Variants in GPA33 observed in about 807,000 individuals in gnomAD.
The protein encoded by GPA33 is cell surface A33 antigen.
Under a neutral mutation model 35.6 loss-of-function variants are expected in GPA33, and 27 were observed. That is an observed-to-expected ratio of 0.76 (90% CI 0.56 to 1.04). The LOEUF is 1.04. GPA33 is among the 50% of genes least tolerant of loss of function. The pLI is 0.00. For missense variants in GPA33, 428 were observed against 411.9 expected, an observed-to-expected ratio of 1.04 and a Z score of -0.34; for synonymous variants, 176 against 164.0, an observed-to-expected ratio of 1.07 and a Z score of -0.56.
chr1:167,081,791 C>T (rs1666955034), intron 1 of GPA33, among the ~76,000 whole-genome samples: 1 of 152,212 alleles, frequency 6.6e-6, no homozygotes, highest in Non-Finnish European at 1.5e-5. Context: ...AGATGGCAGG[C>T]TCCCTGGGGC....
intron 1 of GPA33, among the ~76,000 whole-genome samples, chr1:167,082,589 C>T (rs549846451): frequency 1.3e-5 from 2 of 152,302 alleles, no homozygotes; most frequent in African/African-American, 4.8e-5. Context: ...AGACCTTAGC[C>T]TGGGAGGGGA....
chr1:167,089,054 A>G (rs961358652), intron 1 of GPA33, among the ~76,000 whole-genome samples: 8 of 152,194 alleles, frequency 5.3e-5, no homozygotes. Context: ...ATCTTGGTGG[A>G]TGATGAGGGG....
rs765517721 is a variant in GPA33 at position 167,054,973 on chromosome 1, C to CAG, written c.827+2_827+3insCT. ...CCAACAGGCTACCAGCCCAGACACT[C>CAG]ACGGCCTTGCATCCTCCTTGTCTTC... On this transcript the variant is annotated splice_region_variant and intron_variant, in intron 6 of 6. Coordinates refer to ENST00000367868, the MANE Select transcript of GPA33 (RefSeq NM_005814.3). 1 of 1,613,922 alleles carries CAG rather than the reference C, an allele frequency of 6.2e-7. No individual in the cohort carries two copies. The highest frequency in any genetic ancestry group is 1.7e-5 in the Admixed American group (1 of 60,010).
chr1:167,064,088 G>T (rs935573656), intron 3 of GPA33, among the ~76,000 whole-genome samples: 3 of 152,070 alleles, frequency 2.0e-5, no homozygotes, highest in African/African-American at 7.2e-5. Flanking sequence ...TTTGAGACCA[G>T]CCTGGTCAAC....
intron 3 of GPA33, among the ~76,000 whole-genome samples, chr1:167,068,259 C>T (rs187260300): frequency 2.6e-5 from 4 of 152,282 alleles, no homozygotes; most frequent in African/African-American, 9.6e-5. Context: ...CATTAAATAA[C>T]AGTTATTTTC....
At chr1:167,076,826 G>C (rs1181153267) in intron 1 of GPA33, among the ~76,000 whole-genome samples, 1 of 152,180 alleles carries the variant, frequency 6.6e-6, no homozygotes, top group African/African-American at 2.4e-5. Flanking sequence ...CACTGATGCT[G>C]CTCCAGAAGG....
rs1666176042 is a variant in GPA33, at chr1:167,054,120, G to T, written c.*214C>A. Reference sequence around the variant, plus strand: ...GCACCAGGTGTCACAGCCAGGAGGGGTTACTTCACAGGACAGTGAGGTCAG... The same window carrying T: ...GCACCAGGTGTCACAGCCAGGAGGGTTTACTTCACAGGACAGTGAGGTCAG... On this transcript the variant is annotated 3_prime_UTR_variant, in exon 7 of 7. Coordinates refer to ENST00000367868, the MANE Select transcript of GPA33 (RefSeq NM_005814.3). 5.0e-6 allele frequency: 3 copies of T among 602,954 alleles called. No individual in the cohort carries two copies. Among genetic ancestry groups the T allele is most frequent in the East Asian group, 2.9e-5 (1 of 34,078 alleles). 37.4% of individuals were successfully genotyped at this position (602,954 alleles called of 1,614,324 possible).
At chr1:167,056,422 ATG>A (rs575524973) in intron 4 of GPA33, among the ~76,000 whole-genome samples, 2 of 150,098 alleles carry the variant, frequency 1.3e-5, no homozygotes, top group Non-Finnish European at 3.0e-5. Flanking sequence ...TGTGGGGTGT[ATG>A]TGTGTGTGTG....
intron 1 of GPA33, among the ~76,000 whole-genome samples, chr1:167,086,246 G>T (rs1243585941): frequency 6.6e-6 from 1 of 152,258 alleles, no homozygotes; most frequent in Non-Finnish European, 1.5e-5. Context: ...CCCCAGCGGG[G>T]AGCCAGGCTA....
intron 1 of GPA33, among the ~76,000 whole-genome samples, chr1:167,079,743 A>G (rs1259665429): frequency 6.6e-6 from 1 of 152,244 alleles, no homozygotes; most frequent in East Asian, 1.9e-4. Flanking sequence ...TTGTTCTGAC[A>G]TTACTGGCAA....
intron 4 of GPA33, among the ~76,000 whole-genome samples, chr1:167,056,657 G>GTGCAT (rs1666275207): frequency 4.2e-5 from 1 of 23,876 alleles, no homozygotes; most frequent in Non-Finnish European, 9.5e-5. Context: ...TAGTGTGTGT[G>GTGCAT]GTACGGTGAG....
chr1:167,076,009 G>A (rs934157523), intron 1 of GPA33, among the ~76,000 whole-genome samples: 1 of 152,128 alleles, frequency 6.6e-6, no homozygotes, highest in Non-Finnish European at 1.5e-5. Context: ...GTGGGGTGGT[G>A]GGGATGGAGC....
chr1:167,055,160 C>T lies in GPA33; in HGVS notation c.692-49G>A, dbSNP rs889395652. On this transcript the variant is annotated intron_variant, in intron 5 of 6. Coordinates refer to ENST00000367868, the MANE Select transcript of GPA33 (RefSeq NM_005814.3). The stretch of plus-strand genomic sequence containing the variant: ...ACTTGCCGAGCTTCTAAGCTAGCTC[C>T]GGGTCTCCTCCCAGCCAGGGGAGCA... 26 of 1,597,144 alleles carry T rather than the reference C, an allele frequency of 1.6e-5. No homozygotes were observed. The Admixed American group carries it at 2.0e-4, about 12-fold the overall frequency.
At chr1:167,076,356 G>T (rs1666823646) in intron 1 of GPA33, among the ~76,000 whole-genome samples, 1 of 152,122 alleles carries the variant, frequency 6.6e-6, no homozygotes, top group South Asian at 2.1e-4. Flanking sequence ...GTGCAAGTGG[G>T]CTGGTAGATT....
chr1:167,054,592 G>A (rs1666192713), intron 6 of GPA33, 126 bp from the exon 7 acceptor site: 1 of 1,161,048 alleles, frequency 8.6e-7, no homozygotes, highest in Non-Finnish European at 1.2e-6. Context: ...AGCTGCAGAG[G>A]ACACTGGGCT....
chr1:167,063,885 G>A, intron 3 of GPA33, 148 bp from the exon 4 acceptor site: 1 of 599,592 alleles, frequency 1.7e-6, no homozygotes, highest in Non-Finnish European at 2.9e-6. Flanking sequence ...GAGATGGAAT[G>A]CTGTAAAACC....
chr1:167,071,309 T>C (rs888411721), intron 2 of GPA33, among the ~76,000 whole-genome samples: 4 of 152,068 alleles, frequency 2.6e-5, no homozygotes, highest in African/African-American at 9.7e-5. Flanking sequence ...CTGAATGAAG[T>C]GTACTGAATT....
At chr1:167,084,396 T>C (rs1667012339) in intron 1 of GPA33, among the ~76,000 whole-genome samples, 1 of 152,172 alleles carries the variant, frequency 6.6e-6, no homozygotes, top group Non-Finnish European at 1.5e-5. Context: ...AGGTGGGGGA[T>C]AAAGAGATCA....
chr1:167,070,775 A>G (rs1017670174), intron 2 of GPA33, among the ~76,000 whole-genome samples: 1 of 152,174 alleles, frequency 6.6e-6, no homozygotes, highest in Non-Finnish European at 1.5e-5. Context: ...AAAGAATGAA[A>G]TGAATTTGAG....
Sources: allele counts gnomAD v4.1 joint callset (sites outside exome capture counted in the v4.1 genomes callset), GRCh38; gene constraint gnomAD v4.1.1; transcripts MANE v1.5; gene names NCBI Gene and HGNC (gene_info 2026-07-23, HGNC 2026-07-21).